The following AKAP13 variants were observed in gnomAD, a reference collection of about 807,000 sequenced individuals.
The protein encoded by AKAP13 is A-kinase anchoring protein 13.
A neutral mutation model predicts 264.5 loss-of-function variants in AKAP13; 80 were observed. The ratio of observed to expected loss-of-function variants is 0.30; its 90% confidence interval spans 0.25 to 0.36. The LOEUF (loss-of-function observed/expected upper bound fraction) is 0.36. AKAP13 is among the 10% of genes least tolerant of loss of function. The pLI is 1.00. For synonymous variants in AKAP13, 1,380 were observed against 1,250.2 expected (o/e 1.10, Z -2.19); for missense variants, 3,712 against 3,435.2 (o/e 1.08, Z -2.01).
chr15:85,530,501 G>T (rs2077211641), intron 3 of AKAP13, among the ~76,000 whole-genome samples: 1 of 152,184 alleles, frequency 6.6e-6, no homozygotes, highest in South Asian at 2.1e-4. Flanking sequence ...GTTTTACATA[G>T]TGTAATCTCT....
intron 1 of AKAP13, among the ~76,000 whole-genome samples, chr15:85,462,343 T>C (rs1596257204): frequency 6.6e-6 from 1 of 152,302 alleles, no homozygotes; most frequent in East Asian, 1.9e-4. Context: ...ACCATCAGAA[T>C]GGGGCATCCA....
At chr15:85,478,242 A>C (rs1450263466) in intron 1 of AKAP13, among the ~76,000 whole-genome samples, 1 of 152,198 alleles carries the variant, frequency 6.6e-6, no homozygotes, top group South Asian at 2.1e-4. Context: ...ATGTGAAATT[A>C]TCTCCCTTTA....
At chr15:85,568,337 TAAG>T (rs1230891886) in intron 5 of AKAP13, among the ~76,000 whole-genome samples, 2 of 150,688 alleles carry the variant, frequency 1.3e-5, no homozygotes, top group Non-Finnish European at 3.0e-5. Flanking sequence ...AGTAATATAA[TAAG>T]GAGGAGGGGA....
chr15:85,455,025 G>A (rs915147433), intron 1 of AKAP13, among the ~76,000 whole-genome samples: 2 of 152,114 alleles, frequency 1.3e-5, no homozygotes, highest in Non-Finnish European at 2.9e-5. Context: ...TTCAGTGAAG[G>A]ACCTGGGTGT....
At chr15:85,570,394 GTTAGCCGAGA>G (rs2078774980) in intron 5 of AKAP13, among the ~76,000 whole-genome samples, 2 of 152,250 alleles carry the variant, frequency 1.3e-5, no homozygotes, top group Non-Finnish European at 2.9e-5. Flanking sequence ...AGAGGTTGCA[GTTAGCCGAGA>G]TCGCGCCACT....
chr15:85,474,909 C>G (rs974725565), intron 1 of AKAP13, among the ~76,000 whole-genome samples: 1 of 152,098 alleles, frequency 6.6e-6, no homozygotes, highest in Non-Finnish European at 1.5e-5. Flanking sequence ...GTGACTCGTT[C>G]GATAGTCACA....
At chr15:85,572,401 C>A (rs934933413) in intron 5 of AKAP13, among the ~76,000 whole-genome samples, 2 of 152,164 alleles carry the variant, frequency 1.3e-5, no homozygotes, top group Admixed American at 1.3e-4. Context: ...TATTTGACTT[C>A]TTGAGTCGTT....
At chr15:85,587,167 A>G (rs147227555) in intron 8 of AKAP13, among the ~76,000 whole-genome samples, 100 of 152,050 alleles carry the variant, frequency 6.6e-4, no homozygotes, top group African/African-American at 2.4e-3. Context: ...CCTTTCCTTC[A>G]CTCTTCCCTC....
At chr15:85,397,108 T>G (rs1159072978) in intron 1 of AKAP13, among the ~76,000 whole-genome samples, 1 of 150,672 alleles carries the variant, frequency 6.6e-6, no homozygotes, top group Non-Finnish European at 1.5e-5. Flanking sequence ...AAAATACTTT[T>G]TAAGGTAATT....
chr15:85,399,851 A>T, intron 1 of AKAP13, among the ~76,000 whole-genome samples: 1 of 152,240 alleles, frequency 6.6e-6, no homozygotes, highest in South Asian at 2.1e-4. Flanking sequence ...AGAGATGCTG[A>T]GGAGTAAGGT....
rs1168437039 is a variant in AKAP13, at chr15:85,533,774, C to G, written c.372C>G (p.Pro124=). The part of the protein sequence containing the change: ...NFTRFLDQSG[P]PSGDVNSLDK... ...CCCGTTTTCTTGACCAGTCAGGACC[C>G]CCATCTGGGGATGTGAATTCCCTTG... Residue 124 remains proline (P), a synonymous_variant, in exon 4 of 37, where the codon CCC becomes CCG. Coordinates refer to ENST00000394518, the MANE Select transcript of AKAP13 (RefSeq NM_007200.5). 6.2e-7 allele frequency: 1 copy of G among 1,613,956 alleles called. No individual in the cohort carries two copies. The highest frequency in any genetic ancestry group is 2.2e-5 in the East Asian group (1 of 44,880).
intron 5 of AKAP13, among the ~76,000 whole-genome samples, chr15:85,558,028 G>A (rs1429175267): frequency 6.6e-6 from 1 of 152,038 alleles, no homozygotes; most frequent in Admixed American, 6.6e-5. Context: ...TATCTCTTCT[G>A]CCAGTAGTTT....
intron 6 of AKAP13, 108 bp from the exon 7 acceptor site, chr15:85,578,822 A>T: frequency 2.0e-6 from 2 of 977,638 alleles, no homozygotes; most frequent in Non-Finnish European, 3.1e-6. Context: ...TGACCTTAGA[A>T]GAGCTAGAAT....
intron 2 of AKAP13, among the ~76,000 whole-genome samples, chr15:85,487,296 T>C (rs1003227828): frequency 7.9e-5 from 12 of 152,332 alleles, no homozygotes; most frequent in Admixed American, 2.6e-4. Flanking sequence ...TGGTACAACA[T>C]TGAATAGAAG....
chr15:85,657,648 A>G (rs1192656438), intron 11 of AKAP13, among the ~76,000 whole-genome samples: 1 of 150,634 alleles, frequency 6.6e-6, no homozygotes, highest in Non-Finnish European at 1.5e-5. Flanking sequence ...GCTTGTTTTT[A>G]TATACGTTTG....
At position 85,741,128 on chromosome 15, in the gene AKAP13, G is replaced by C. The variant is rs770089685; in HGVS notation, c.7691G>C (p.Arg2564Pro). The C allele has an allele frequency of 6.2e-7, 1 of 1,613,502 alleles. No homozygotes were observed. The highest frequency in any genetic ancestry group is 8.5e-7 in the Non-Finnish European group (1 of 1,179,808). ...AGGGCGCTCACTCGCAGCTTGTCCCGCCCGAGCTCCCTCATTGAGCAGGAG... is the reference window on the plus strand; with the variant it reads ...AGGGCGCTCACTCGCAGCTTGTCCCCCCCGAGCTCCCTCATTGAGCAGGAG... ...SERALTRSLSRPSSLIEQEKQ... is the reference protein window; with the variant it reads ...SERALTRSLSPPSSLIEQEKQ... Residue 2564 changes from arginine (R) to proline (P), a missense_variant, in exon 35 of 37, where the codon CGC becomes CCC. Transcript: ENST00000394518.
rs1352969981 is a variant in AKAP13 at position 85,585,830 on chromosome 15, G to A, written c.4161+7G>A. 5 of 1,613,838 alleles carry A rather than the reference G, an allele frequency of 3.1e-6. No individual in the cohort carries two copies. The highest frequency in any genetic ancestry group is 1.3e-5 in the African/African-American group (1 of 75,030). On this transcript the variant is annotated splice_region_variant and intron_variant, in intron 8 of 36. Transcript: ENST00000394518. ...AGGCCCAATGACCCAGGCGGTAAGTGGCATCAGTAAGTCTATAAGGGCACA... is the reference window on the plus strand; with the variant it reads ...AGGCCCAATGACCCAGGCGGTAAGTAGCATCAGTAAGTCTATAAGGGCACA...
At chr15:85,434,243 G>A (rs1272983946) in intron 1 of AKAP13, among the ~76,000 whole-genome samples, 1 of 152,126 alleles carries the variant, frequency 6.6e-6, no homozygotes, top group African/African-American at 2.4e-5. Context: ...ACTCCCACCC[G>A]AATATTGCGC....
chr15:85,645,686 G>A (rs992874641), intron 9 of AKAP13, 132 bp from the exon 10 acceptor site: 92 of 945,490 alleles, frequency 9.7e-5, no homozygotes, highest in Non-Finnish European at 1.3e-4. Flanking sequence ...AAATAAGGAG[G>A]GAAGGAAGAG....
Sources: gnomAD v4.1 joint callset for allele counts (sites outside exome capture counted in the v4.1 genomes callset) on GRCh38, gnomAD v4.1.1 for gene constraint, MANE v1.5 for transcripts, NCBI Gene and HGNC (gene_info 2026-07-23, HGNC 2026-07-21) for gene names.